The following NSMCE2 variants were observed in gnomAD, a reference collection of about 807,000 sequenced individuals.
The protein encoded by NSMCE2 is E3 SUMO-protein ligase NSE2.
In NSMCE2, 24 loss-of-function variants were observed where a neutral mutation model predicts 23.8. The ratio of observed to expected loss-of-function variants is 1.01; its 90% CI spans 0.73 to 1.42. The LOEUF (loss-of-function observed/expected upper bound fraction) is 1.42, where lower values mean the gene tolerates loss of function less well. Ranked by LOEUF, NSMCE2 falls within the 40% of genes most tolerant of loss-of-function variation. The probability of loss-of-function intolerance (pLI) is 0.00; values close to 1 mark genes in which losing one functional copy is unlikely to be tolerated. For missense variants in NSMCE2, 284 were observed against 296.5 expected, an observed-to-expected ratio of 0.96 and a Z score of 0.31; for synonymous variants, 92 against 94.1, an observed-to-expected ratio of 0.98 and a Z score of 0.13.
chr8:125,280,270 G>A (rs1013975377), intron 5 of NSMCE2, among the ~76,000 whole-genome samples: 3 of 152,166 alleles, frequency 2.0e-5, no homozygotes, highest in African/African-American at 7.2e-5. Context: ...TTAGTCTTGT[G>A]TTTATAACTA....
At chr8:125,106,345 G>A (rs1269260310) in intron 3 of NSMCE2, among the ~76,000 whole-genome samples, 1 of 152,072 alleles carries the variant, frequency 6.6e-6, no homozygotes, top group East Asian at 1.9e-4. Context: ...AATTTATAAT[G>A]GTGAACACAA....
chr8:125,219,386 T>G (rs150842306), intron 5 of NSMCE2, among the ~76,000 whole-genome samples: 135 of 152,306 alleles, frequency 8.9e-4, no homozygotes, highest in African/African-American at 3.2e-3. Flanking sequence ...TACTCTGGAT[T>G]GAATATTAAC....
At chr8:125,275,810 A>G (rs1827428178) in intron 5 of NSMCE2, among the ~76,000 whole-genome samples, 2 of 152,202 alleles carry the variant, frequency 1.3e-5, no homozygotes, top group Admixed American at 6.5e-5. Context: ...CAGAATGATT[A>G]AGTGACATAA....
chr8:125,168,597 T>C (rs1822014782), intron 4 of NSMCE2, among the ~76,000 whole-genome samples: 1 of 152,210 alleles, frequency 6.6e-6, no homozygotes, highest in Admixed American at 6.5e-5. Flanking sequence ...CCTCACAAGA[T>C]GGAATGAGCA....
At chr8:125,345,662 A>G (rs971016413) in intron 5 of NSMCE2, among the ~76,000 whole-genome samples, 1 of 152,216 alleles carries the variant, frequency 6.6e-6, no homozygotes, top group African/African-American at 2.4e-5. Flanking sequence ...GACAGAGGAA[A>G]TGCCTGAATT....
At chr8:125,304,969 AAAAGG>A in intron 5 of NSMCE2, among the ~76,000 whole-genome samples, 1 of 151,458 alleles carries the variant, frequency 6.6e-6, no homozygotes, top group East Asian at 1.9e-4. Flanking sequence ...GAAAGAAAGA[AAAAGG>A]AAAGGAAAGA....
intron 5 of NSMCE2, among the ~76,000 whole-genome samples, chr8:125,223,959 C>G (rs1824985860): frequency 6.6e-6 from 1 of 152,058 alleles, no homozygotes; most frequent in Non-Finnish European, 1.5e-5. Context: ...ACTGTAGCCT[C>G]CCTGGTAGCT....
intron 5 of NSMCE2, among the ~76,000 whole-genome samples, chr8:125,240,325 A>G (rs1170093211): frequency 1.3e-5 from 2 of 151,970 alleles, no homozygotes; most frequent in Non-Finnish European, 2.9e-5. Context: ...GGGTTTCACC[A>G]TATTGGCCAG....
chr8:125,243,624 T>G lies in NSMCE2; in HGVS notation c.418+61368T>G, dbSNP rs905866731. On this transcript the variant is annotated intron_variant, in intron 5 of 7. Coordinates refer to ENST00000287437, the MANE Select transcript of NSMCE2 (RefSeq NM_173685.4). ...ATAGAAAGTAATGATGATTCACTCT[T>G]AAACATATTCTAACAAAATTATTAT... Among the ~76,000 whole-genome samples the G allele has an allele frequency of 2.0e-5, 3 of 152,154 alleles. No homozygotes were observed. The East Asian group carries it at 5.8e-4, about 29-fold the overall frequency.
chr8:125,281,136 T>G (rs1025221360), intron 5 of NSMCE2, among the ~76,000 whole-genome samples: 1 of 152,222 alleles, frequency 6.6e-6, no homozygotes, highest in Admixed American at 6.5e-5. Flanking sequence ...CTGACTGTCT[T>G]TCTTCCTTAA....
chr8:125,273,639 A>G (rs1827321493), intron 5 of NSMCE2, among the ~76,000 whole-genome samples: 1 of 152,184 alleles, frequency 6.6e-6, no homozygotes, highest in African/African-American at 2.4e-5. Flanking sequence ...ACTGGCTTTT[A>G]TTTAATTCTT....
intron 3 of NSMCE2, among the ~76,000 whole-genome samples, chr8:125,149,900 C>T (rs1337829820): frequency 6.6e-6 from 1 of 152,022 alleles, no homozygotes; most frequent in Non-Finnish European, 1.5e-5. Context: ...GTGATCTGCT[C>T]ATTCTTAAAA....
At chr8:125,337,836 G>A (rs1200789477) in intron 5 of NSMCE2, among the ~76,000 whole-genome samples, 8 of 149,200 alleles carry the variant, frequency 5.4e-5, no homozygotes, top group Admixed American at 4.1e-4. Flanking sequence ...TGGAGGTTGC[G>A]GTGAGCCAAG....
chr8:125,108,337 A>G (rs931782276), intron 3 of NSMCE2, among the ~76,000 whole-genome samples: 5 of 152,234 alleles, frequency 3.3e-5, no homozygotes, highest in African/African-American at 9.6e-5. Flanking sequence ...CCCAGAGAGT[A>G]GGAAAACACC....
chr8:125,358,994 C>T (rs185354931), intron 7 of NSMCE2, among the ~76,000 whole-genome samples: 3 of 151,968 alleles, frequency 2.0e-5, no homozygotes, highest in Admixed American at 6.6e-5. Context: ...CGGCCAGGCG[C>T]GGTGGCTCAC....
intron 5 of NSMCE2, among the ~76,000 whole-genome samples, chr8:125,238,259 T>C (rs553039312): frequency 1.3e-5 from 2 of 152,268 alleles, no homozygotes; most frequent in East Asian, 3.9e-4. Context: ...ATAGAAACTT[T>C]TTATTCCATT....
chr8:125,316,825 T>C (rs1314630082), intron 5 of NSMCE2, among the ~76,000 whole-genome samples: 1 of 150,822 alleles, frequency 6.6e-6, no homozygotes, highest in Admixed American at 6.7e-5. Flanking sequence ...GTTGCCAGGC[T>C]GGAGTTGAAG....
chr8:125,275,019 T>G (rs978090973), intron 5 of NSMCE2, among the ~76,000 whole-genome samples: 1 of 147,012 alleles, frequency 6.8e-6, no homozygotes, highest in South Asian at 2.1e-4. Context: ...ATAATAATAA[T>G]AATAATAATA....
intron 5 of NSMCE2, among the ~76,000 whole-genome samples, chr8:125,340,084 G>T (rs1252083792): frequency 7.7e-6 from 1 of 129,112 alleles, no homozygotes; most frequent in East Asian, 2.6e-4. Context: ...GCGCAATCTC[G>T]GCTCACTGCA....
Sources: allele counts gnomAD v4.1 joint callset (sites outside exome capture counted in the v4.1 genomes callset), GRCh38; gene constraint gnomAD v4.1.1; transcripts MANE v1.5; gene names NCBI Gene and HGNC (gene_info 2026-07-23, HGNC 2026-07-21).